SLC24A2: variants seen among roughly 807,000 people sequenced by gnomAD.
SLC24A2 encodes sodium/potassium/calcium exchanger 2.
SLC24A2 carries 36 observed loss-of-function variants against 62.0 expected under a neutral mutation model. That is an observed-to-expected ratio of 0.58 (90% CI 0.44 to 0.77). The LOEUF (loss-of-function observed/expected upper bound fraction) is 0.77. Ranked by LOEUF, SLC24A2 falls within the 30% of genes least tolerant of loss-of-function variation. The pLI, the probability that SLC24A2 is intolerant of heterozygous loss-of-function variation, is 0.00. For synonymous variants in SLC24A2, 358 were observed against 294.0 expected (o/e 1.22, Z -2.23); for missense variants, 846 against 817.9 (o/e 1.03, Z -0.42).
chr9:19,968,844 A>G, the SLC24A2 span, among the ~76,000 whole-genome samples: 10 of 152,336 alleles, frequency 6.6e-5, no homozygotes, highest in African/African-American at 2.4e-4. Context: ...CAGCAAGGAA[A>G]TCATTTATAT....
At chr9:19,587,595 AAAGAGAAAC>A (rs1366972845) in intron 5 of SLC24A2, among the ~76,000 whole-genome samples, 1 of 152,236 alleles carries the variant, frequency 6.6e-6, no homozygotes, top group East Asian at 1.9e-4. Flanking sequence ...GATCTAATCA[AAAGAGAAAC>A]TTACCATGCC....
At chr9:20,113,072 C>T in the SLC24A2 span, among the ~76,000 whole-genome samples, 1 of 149,790 alleles carries the variant, frequency 6.7e-6, no homozygotes, top group Non-Finnish European at 1.5e-5. Flanking sequence ...GAGCTCCATC[C>T]TCAGAGTTTT....
In SLC24A2 at chr9:19,786,569, G is replaced by A. The variant is rs1478294555; in HGVS notation, c.298C>T (p.Gln100Ter). The part of the protein sequence containing the change: ...LNDKILDYTP[Q>*]PPLSKEGESE... Reference sequence around the variant, plus strand: ...TCGCCTTCCTTAGAAAGAGGTGGCTGTGGAGTATAATCCAGAATCTTGTCA... The same window carrying A: ...TCGCCTTCCTTAGAAAGAGGTGGCTATGGAGTATAATCCAGAATCTTGTCA... Residue 100 changes from glutamine to a stop codon, truncating the protein, a stop_gained, in exon 2 of 11, where the codon CAG (glutamine) becomes TAG (stop). Coordinates refer to ENST00000341998, the MANE Select transcript of SLC24A2 (RefSeq NM_020344.4). LOFTEE classifies it high-confidence loss of function. This position sits in a 1 kb window ranked among gnomAD's most constrained non-coding sequence, Gnocchi z 5.0. 1 of 1,614,190 alleles carries A rather than the reference G, an allele frequency of 6.2e-7. No homozygotes were observed. Among genetic ancestry groups the A allele is most frequent in the Non-Finnish European group, 8.5e-7 (1 of 1,180,014 alleles).
the SLC24A2 span, among the ~76,000 whole-genome samples, chr9:20,260,301 C>T: frequency 1.3e-5 from 2 of 152,200 alleles, no homozygotes; most frequent in Non-Finnish European, 2.9e-5. Context: ...GACTCTAGAA[C>T]TTGGAGCCAA....
chr9:20,218,421 C>T, the SLC24A2 span, among the ~76,000 whole-genome samples: 3 of 152,106 alleles, frequency 2.0e-5, no homozygotes, highest in Non-Finnish European at 4.4e-5. Flanking sequence ...AACACTTTCA[C>T]CACCACCACA....
chr9:19,623,695 T>G (rs1264105420), intron 2 of SLC24A2, among the ~76,000 whole-genome samples: 1 of 152,218 alleles, frequency 6.6e-6, no homozygotes, highest in Non-Finnish European at 1.5e-5. Flanking sequence ...GAGGTTGATG[T>G]TAAATATTTT....
chr9:19,691,163 G>A (rs1444086281), intron 2 of SLC24A2, among the ~76,000 whole-genome samples: 1 of 152,136 alleles, frequency 6.6e-6, no homozygotes, highest in Non-Finnish European at 1.5e-5. Context: ...GATGAGAAGA[G>A]CCCTCACAAA....
chr9:19,887,869 G>A, the SLC24A2 span, among the ~76,000 whole-genome samples: 1 of 152,202 alleles, frequency 6.6e-6, no homozygotes, highest in South Asian at 2.1e-4. Context: ...AACCTAGATG[G>A]AACTGGAGAC....
the SLC24A2 span, among the ~76,000 whole-genome samples, chr9:19,963,092 A>C: frequency 9.0e-3 from 1,373 of 152,036 alleles, 8 homozygotes; most frequent in Non-Finnish European, 0.014. Context: ...ATCTTTGACA[A>C]ACCTGACAAA....
At chr9:19,810,353 TCTGTTA>T in the SLC24A2 span, among the ~76,000 whole-genome samples, 19 of 152,340 alleles carry the variant, frequency 1.2e-4, no homozygotes, top group African/African-American at 3.6e-4. Context: ...AGGTATTTTA[TCTGTTA>T]ATAAAAAGTG....
chr9:20,219,508 T>A, the SLC24A2 span, among the ~76,000 whole-genome samples: 1 of 152,230 alleles, frequency 6.6e-6, no homozygotes, highest in African/African-American at 2.4e-5. Context: ...CTCGGTTGAA[T>A]GGACCCATTC....
the SLC24A2 span, among the ~76,000 whole-genome samples, chr9:19,864,310 T>C: frequency 1.3e-5 from 2 of 151,912 alleles, no homozygotes; most frequent in African/African-American, 4.8e-5. Flanking sequence ...GAGGGAATAC[T>C]TCAAACTCAT....
the SLC24A2 span, among the ~76,000 whole-genome samples, chr9:20,016,349 A>T: frequency 1.3e-5 from 2 of 152,218 alleles, no homozygotes; most frequent in Admixed American, 6.5e-5. Flanking sequence ...GATTAGGAAG[A>T]CATCTACTCA....
At chr9:20,072,329 A>G in the SLC24A2 span, among the ~76,000 whole-genome samples, 23 of 152,234 alleles carry the variant, frequency 1.5e-4, no homozygotes, top group African/African-American at 5.3e-4. Flanking sequence ...ACCCACAAGC[A>G]GATTAGAGTC....
the SLC24A2 span, among the ~76,000 whole-genome samples, chr9:20,187,717 G>T: frequency 6.6e-6 from 1 of 152,098 alleles, no homozygotes; most frequent in African/African-American, 2.4e-5. Context: ...TCTTAGCTAG[G>T]TGCATTCCTT....
intron 8 of SLC24A2, among the ~76,000 whole-genome samples, chr9:19,536,063 TG>T (rs958747544): frequency 6.6e-6 from 1 of 152,006 alleles, no homozygotes; most frequent in African/African-American, 2.4e-5. Flanking sequence ...TCACATCCCT[TG>T]TAAGTTGTAT....
chr9:20,230,104 G>C, the SLC24A2 span, among the ~76,000 whole-genome samples: 1 of 152,070 alleles, frequency 6.6e-6, no homozygotes, highest in Admixed American at 6.5e-5. Flanking sequence ...TGGTGTATAT[G>C]TGCCACATTT....
chr9:19,814,595 T>C, the SLC24A2 span, among the ~76,000 whole-genome samples: 1 of 152,166 alleles, frequency 6.6e-6, no homozygotes, highest in South Asian at 2.1e-4. Flanking sequence ...GTTGTATTTC[T>C]AAAGGTAAAT....
intron 2 of SLC24A2, among the ~76,000 whole-genome samples, chr9:19,669,312 G>GTTATGGGGAGAAGTGCTGGCA (rs1819346504): frequency 6.6e-6 from 1 of 152,006 alleles, no homozygotes; most frequent in Non-Finnish European, 1.5e-5. Flanking sequence ...GTGGTGGTGG[G>GTTATGGGGAGAAGTGCTGGCA]TTATGGGGAG....
Sources: allele counts gnomAD v4.1 joint callset (sites outside exome capture counted in the v4.1 genomes callset), GRCh38; gene constraint gnomAD v4.1.1; non-coding constraint Gnocchi (gnomAD v3.1); transcripts MANE v1.5; gene names NCBI Gene and HGNC (gene_info 2026-07-23, HGNC 2026-07-21).